Variants in ASH1L observed in about 807,000 individuals in gnomAD.
ASH1L encodes histone-lysine N-methyltransferase ASH1L.
A neutral mutation model predicts 269.0 loss-of-function variants in ASH1L; 23 were observed. The ratio of observed to expected loss-of-function variants is 0.09; its 90% CI spans 0.06 to 0.12. The LOEUF (loss-of-function observed/expected upper bound fraction) is 0.12, where lower values mean the gene tolerates loss of function less well. ASH1L is among the 10% of genes least tolerant of loss of function. The pLI, the probability that ASH1L is intolerant of heterozygous loss-of-function variation, is 1.00. For missense variants in ASH1L, 2,912 were observed against 3,567.8 expected, an observed-to-expected ratio of 0.82 and a Z score of 4.68; for synonymous variants, 1,187 against 1,253.5, an observed-to-expected ratio of 0.95 and a Z score of 1.12.
At chr1:155,508,560 AC>A (rs1667965095) in intron 2 of ASH1L, among the ~76,000 whole-genome samples, 3 of 152,230 alleles carry the variant, frequency 2.0e-5, no homozygotes, top group African/African-American at 7.2e-5. Flanking sequence ...AATCACTTGA[AC>A]CCCAGAAGGC....
chr1:155,374,462 C>A (rs781146431), intron 10 of ASH1L, among the ~76,000 whole-genome samples: 1 of 152,170 alleles, frequency 6.6e-6, no homozygotes, highest in Non-Finnish European at 1.5e-5. Context: ...CACACAGTGT[C>A]AAATCATGTA....
At chr1:155,446,684 C>T (rs1267995427) in intron 4 of ASH1L, among the ~76,000 whole-genome samples, 3 of 146,174 alleles carry the variant, frequency 2.1e-5, no homozygotes, top group African/African-American at 5.1e-5. Flanking sequence ...TGCAGTGGCG[C>T]GATCTCGGCT....
At chr1:155,554,761 G>A (rs1210026924) in intron 1 of ASH1L, among the ~76,000 whole-genome samples, 1 of 152,170 alleles carries the variant, frequency 6.6e-6, no homozygotes, top group South Asian at 2.1e-4. Context: ...GCACAGAAAT[G>A]GGTATGGTGG....
intron 10 of ASH1L, among the ~76,000 whole-genome samples, chr1:155,375,156 AC>A (rs1164774804): frequency 3.3e-5 from 5 of 151,992 alleles, no homozygotes; most frequent in Non-Finnish European, 7.4e-5. Flanking sequence ...CATACTATAA[AC>A]TGCATCCGGA....
At position 155,459,852 on chromosome 1, in the gene ASH1L, G is replaced by A. The variant is rs374117020; in HGVS notation, c.5031C>T (p.Ser1677=). The change falls in exon 4 of 28, where the codon AGC becomes AGT. Residue 1677 remains serine, a synonymous_variant. Coordinates refer to ENST00000392403, the MANE Select transcript of ASH1L (RefSeq NM_018489.3). ...TTTTCCGGGTAGGGCTACAATTTGT[G>A]CTCTCTGATGGCCGCTGGGAGGGTT... ...SDKPSQRPSE[S]TNCSPTRKRS... is the part of the protein sequence containing the mutation. The A allele has an allele frequency of 1.9e-6, 3 of 1,612,634 alleles. No homozygotes were observed. The highest frequency in any genetic ancestry group is 2.2e-5 in the South Asian group (2 of 90,888).
At chr1:155,347,489 A>G (rs1653459770) in intron 20 of ASH1L, among the ~76,000 whole-genome samples, 167 bp downstream of exon 20, 1 of 152,152 alleles carries the variant, frequency 6.6e-6, no homozygotes, top group South Asian at 2.1e-4. Flanking sequence ...AGAAAGATAA[A>G]AGGAGAAAGG....
At chr1:155,500,675 C>G (rs1370026235) in intron 2 of ASH1L, among the ~76,000 whole-genome samples, 1 of 152,106 alleles carries the variant, frequency 6.6e-6, no homozygotes, top group East Asian at 1.9e-4. Context: ...CTGGTAAGAG[C>G]TGAGGAGCCT....
chr1:155,340,943 A>C (rs1652738348), intron 25 of ASH1L, among the ~76,000 whole-genome samples: 1 of 151,768 alleles, frequency 6.6e-6, no homozygotes, highest in Non-Finnish European at 1.5e-5. Context: ...TATACAATAA[A>C]CACCACCACC....
At position 155,336,981 on chromosome 1, in the gene ASH1L, G is replaced by T. The variant is rs937106144; in HGVS notation, c.*679C>A. ...TATGAAGGGTAAAACAAAAATAATT[G>T]CAAGAACTACCGTGCCCTTCTGACC... On this transcript the variant is annotated 3_prime_UTR_variant, in exon 28 of 28. Coordinates refer to ENST00000392403, the MANE Select transcript of ASH1L (RefSeq NM_018489.3). The T allele has an allele frequency of 6.6e-6, 1 of 152,304 alleles. No individual in the cohort carries two copies. Among genetic ancestry groups the T allele is most frequent in the Non-Finnish European group, 1.5e-5 (1 of 68,020 alleles). The allele number at this position is 152,304 out of a possible 1,614,324, so 9.4% of individuals were successfully genotyped here. A position where few individuals can be genotyped will look rare whatever the true frequency, so the allele number is the denominator to read the frequency against.
At position 155,338,289 on chromosome 1, in the gene ASH1L, T is replaced by C; in HGVS notation, c.8603A>G (p.Gln2868Arg). 6.2e-7 allele frequency: 1 copy of C among 1,614,110 alleles called. No homozygotes were observed. Among genetic ancestry groups the C allele is most frequent in the Non-Finnish European group, 8.5e-7 (1 of 1,180,024 alleles). The change falls in exon 27 of 28, where the codon CAA (glutamine) becomes CGA (arginine). Residue 2868 changes from glutamine to arginine, a missense_variant. Coordinates refer to ENST00000392403, the MANE Select transcript of ASH1L (RefSeq NM_018489.3). ...LIEEVLASQE[Q>R]AANEIPSLEE... Reference sequence around the variant, plus strand: ...CAGGCTGGGTATCTCATTGGCTGCTTGCTCTTGACTGGCTAGAACCTCTTC... The same window carrying C: ...CAGGCTGGGTATCTCATTGGCTGCTCGCTCTTGACTGGCTAGAACCTCTTC...
rs74948108 is a variant in ASH1L, at chr1:155,491,632, T to C, written c.421-9183A>G. On this transcript the variant is annotated intron_variant, in intron 2 of 27. Coordinates refer to ENST00000392403, the MANE Select transcript of ASH1L (RefSeq NM_018489.3). Reference sequence around the variant, plus strand: ...TGCTTAATCACTGCATTAAATAAAATAGTCTCTTTAACTTTATAGGTTTGT... The same window carrying C: ...TGCTTAATCACTGCATTAAATAAAACAGTCTCTTTAACTTTATAGGTTTGT... Among the ~76,000 whole-genome samples the C allele has an allele frequency of 6.2e-3, 939 of 152,258 alleles. 10 individuals are homozygous for C. The highest frequency in any genetic ancestry group is 0.022 in the African/African-American group (910 of 41,548).
intron 3 of ASH1L, among the ~76,000 whole-genome samples, chr1:155,465,289 C>CAAAAAAAAAAAAAAAAAAAAAAA (rs1171228344): frequency 3.2e-5 from 2 of 62,576 alleles, no homozygotes; most frequent in African/African-American, 1.2e-4. Flanking sequence ...TACAAATTAG[C>CAAAAAAAAAAAAAAAAAAAAAAA]AAAAAAAAAA....
At chr1:155,395,753 C>A (rs894294364) in intron 6 of ASH1L, among the ~76,000 whole-genome samples, 200 bp from the exon 7 acceptor site, 2 of 152,012 alleles carry the variant, frequency 1.3e-5, no homozygotes, top group Non-Finnish European at 2.9e-5. Context: ...AATCCCAATA[C>A]TTTTGGAAGC....
Position 155,338,161 on chromosome 1 carries a change from G to A in ASH1L, c.8731C>T (p.Arg2911Ter). 6.2e-7 allele frequency: 1 copy of A among 1,613,946 alleles called. No individual in the cohort carries two copies. The highest frequency in any genetic ancestry group is 8.5e-7 in the Non-Finnish European group (1 of 1,180,002). The change falls in exon 27 of 28, where the codon CGA becomes TGA. Residue 2911 changes from arginine (R) to a stop codon, truncating the protein, a stop_gained. Transcript: ENST00000392403. LOFTEE classifies it high-confidence loss of function. ...EPQSTCTPEE[R>*]RHNQRERLNQ... The stretch of plus-strand genomic sequence containing the variant: ...AGTCGTTCCCGTTGGTTATGCCGTC[G>A]TTCCTCAGGGGTACAGGTTGACTGG...
chr1:155,349,175 T>C (rs1653654805), intron 19 of ASH1L, 152 bp downstream of exon 19: 2 of 690,682 alleles, frequency 2.9e-6, no homozygotes, highest in African/African-American at 1.8e-5. Flanking sequence ...TAATATTTAG[T>C]ATACTGTAAC....
Position 155,440,502 on chromosome 1 carries a change from C to G in ASH1L, c.5087-1434G>C, listed in dbSNP as rs938376227. On this transcript the variant is annotated intron_variant, in intron 4 of 27. Transcript: ENST00000392403. ...ACTTGTTATTTACCTTTTATACTTA[C>G]TTTCCCACTGGGAACATGTTTATTC... The G allele has an allele frequency of 9.9e-6, 9 of 912,764 alleles. No individual in the cohort carries two copies. The South Asian group carries it at 4.6e-4, about 46-fold the overall frequency. 56.5% of individuals were successfully genotyped at this position (912,764 alleles called of 1,614,324 possible). A position where few individuals can be genotyped will look rare whatever the true frequency, so the allele number is the denominator to read the frequency against.
chr1:155,421,887 G>A (rs1660714678), intron 5 of ASH1L, among the ~76,000 whole-genome samples: 1 of 151,708 alleles, frequency 6.6e-6, no homozygotes, highest in African/African-American at 2.4e-5. Context: ...CATTTTAAGT[G>A]GTCTGGACAG....
chr1:155,514,348 T>A (rs188573704), intron 2 of ASH1L, among the ~76,000 whole-genome samples: 1 of 152,298 alleles, frequency 6.6e-6, no homozygotes, highest in Admixed American at 6.5e-5. Flanking sequence ...ATACACACAT[T>A]TATTTTTTAA....
intron 1 of ASH1L, among the ~76,000 whole-genome samples, chr1:155,544,687 T>C (rs972699450): frequency 2.0e-5 from 3 of 152,102 alleles, no homozygotes; most frequent in South Asian, 2.1e-4. Context: ...GACTAAGACA[T>C]TGTAAATAAA....
Sources: gnomAD v4.1 joint callset for allele counts (sites outside exome capture counted in the v4.1 genomes callset) on GRCh38, gnomAD v4.1.1 for gene constraint, MANE v1.5 for transcripts, NCBI Gene and HGNC (gene_info 2026-07-23, HGNC 2026-07-21) for gene names.